Variants in DENND5A observed in about 807,000 individuals in gnomAD.
DENND5A encodes DENN domain-containing protein 5A.
In DENND5A, 64 loss-of-function variants were observed where a neutral mutation model predicts 140.3. That is an observed-to-expected ratio of 0.46 (90% CI 0.37 to 0.56). The LOEUF is 0.56. Among genes scored for constraint, DENND5A ranks in the 20% least tolerant of loss-of-function variants. The probability of loss-of-function intolerance (pLI) is 0.00; values close to 1 mark genes in which losing one functional copy is unlikely to be tolerated. For synonymous variants in DENND5A, 605 were observed against 607.7 expected, an observed-to-expected ratio of 1.00 and a Z score of 0.07; for missense variants, 1,292 against 1,593.8, an observed-to-expected ratio of 0.81 and a Z score of 3.22.
chr11:9,143,802 G>A (rs963111458), intron 19 of DENND5A, among the ~76,000 whole-genome samples: 2 of 152,184 alleles, frequency 1.3e-5, no homozygotes, highest in Non-Finnish European at 2.9e-5. Flanking sequence ...ATCAGGCAGG[G>A]GGAGTCCAGA....
chr11:9,258,987 G>A (rs532478841), intron 1 of DENND5A, among the ~76,000 whole-genome samples: 31 of 152,084 alleles, frequency 2.0e-4, no homozygotes, highest in Middle Eastern at 3.4e-3. Flanking sequence ...TAGGCTGGGC[G>A]CAGTGGCTCA....
At chr11:9,154,728 G>GAA (rs140840397) in intron 12 of DENND5A, among the ~76,000 whole-genome samples, 2 of 144,822 alleles carry the variant, frequency 1.4e-5, no homozygotes, top group African/African-American at 2.5e-5. Context: ...ACAAATATTT[G>GAA]AAAAAAAAAA....
intron 1 of DENND5A, among the ~76,000 whole-genome samples, chr11:9,256,846 A>G (rs1851966828): frequency 6.6e-6 from 1 of 152,168 alleles, no homozygotes; most frequent in South Asian, 2.1e-4. Context: ...TAATTGTAAA[A>G]ATAAATTAAA....
intron 11 of DENND5A, among the ~76,000 whole-genome samples, chr11:9,163,909 T>C (rs2136145215): frequency 8.8e-6 from 1 of 113,946 alleles, no homozygotes; most frequent in African/African-American, 4.3e-5. Flanking sequence ...AGAGACAAAA[T>C]TGTATGGAAA....
At chr11:9,200,530 T>C (rs371321056) in intron 4 of DENND5A, among the ~76,000 whole-genome samples, 3 of 152,250 alleles carry the variant, frequency 2.0e-5, no homozygotes, top group African/African-American at 7.2e-5. Context: ...AGAGATTTCA[T>C]GTAAAAAATC....
At chr11:9,210,252 A>G (rs1403007626) in intron 1 of DENND5A, among the ~76,000 whole-genome samples, 1 of 152,234 alleles carries the variant, frequency 6.6e-6, no homozygotes, top group Admixed American at 6.5e-5. Flanking sequence ...GGAATATGAC[A>G]TCACCAACAT....
chr11:9,164,930 G>C (rs1050166255), intron 11 of DENND5A, among the ~76,000 whole-genome samples: 3 of 152,206 alleles, frequency 2.0e-5, no homozygotes, highest in African/African-American at 7.2e-5. Flanking sequence ...TTCAAGGCGA[G>C]CCTGGGCAAT....
At chr11:9,239,325 C>G (rs937391544) in intron 1 of DENND5A, among the ~76,000 whole-genome samples, 5 of 150,876 alleles carry the variant, frequency 3.3e-5, no homozygotes, top group African/African-American at 9.8e-5. Flanking sequence ...CACCACCACA[C>G]CTGGCTAAAC....
chr11:9,178,501 A>T (rs76387081), intron 7 of DENND5A, 135 bp from the exon 8 acceptor site: 19 of 191,930 alleles, frequency 9.9e-5, no homozygotes, highest in East Asian at 2.5e-4. Context: ...TCTCTACATT[A>T]AAAAAAAAAA....
In DENND5A at chr11:9,164,527, C is replaced by T. The variant is rs376088508; in HGVS notation, c.2283+1309G>A. On this transcript the variant is annotated intron_variant, in intron 11 of 22. Coordinates refer to ENST00000328194, the MANE Select transcript of DENND5A (RefSeq NM_015213.4). ...TAGAGACTGAGTTAGTTGAAATGCC[C>T]TAAAATTATGGTATGCTGCCTTGGT... Among the ~76,000 whole-genome samples the T allele has an allele frequency of 4.6e-5, 7 of 151,940 alleles. No homozygotes were observed. In the South Asian group the frequency reaches 1.5e-3, roughly 32 times the overall value.
At chr11:9,179,442 G>C (rs1255181446) in intron 6 of DENND5A, among the ~76,000 whole-genome samples, 1 of 151,842 alleles carries the variant, frequency 6.6e-6, no homozygotes, top group Non-Finnish European at 1.5e-5. Context: ...TTAAATTCTG[G>C]CTCTCTTGAT....
chr11:9,220,119 A>C (rs1394927448), intron 1 of DENND5A, among the ~76,000 whole-genome samples: 2 of 152,258 alleles, frequency 1.3e-5, no homozygotes, highest in Non-Finnish European at 2.9e-5. Flanking sequence ...GTGGTATATA[A>C]GAAAAATCAT....
At chr11:9,223,845 T>C (rs1313882342) in intron 1 of DENND5A, among the ~76,000 whole-genome samples, 1 of 152,236 alleles carries the variant, frequency 6.6e-6, no homozygotes, top group Non-Finnish European at 1.5e-5. Flanking sequence ...TCCTCTGTGA[T>C]TGTTATTTAG....
At chr11:9,164,048 T>C (rs1217001911) in intron 11 of DENND5A, among the ~76,000 whole-genome samples, 1 of 138,546 alleles carries the variant, frequency 7.2e-6, no homozygotes, top group Non-Finnish European at 1.5e-5. Flanking sequence ...TACTGATATA[T>C]TAATCAGGTT....
At position 9,203,945 on chromosome 11, in the gene DENND5A, C is replaced by A; in HGVS notation, c.664G>T (p.Val222Leu). ...PMSFMKACRS[V>L]LEQLHQAVTS... is the part of the protein sequence containing the mutation. ...ACTGCCTGGTGGAGTTGCTCCAGCA[C>A]GCTCCGACATGCCTTCATGAAAGAC... is the stretch of plus-strand genomic sequence containing the variant. Residue 222 changes from valine to leucine, a missense_variant, in exon 4 of 23, where the codon GTG becomes TTG. Coordinates refer to ENST00000328194, the MANE Select transcript of DENND5A (RefSeq NM_015213.4). 6.2e-7 allele frequency: 1 copy of A among 1,614,004 alleles called. No homozygotes were observed. The highest frequency in any genetic ancestry group is 2.2e-5 in the East Asian group (1 of 44,874).
At position 9,198,568 on chromosome 11, in the gene DENND5A, G is replaced by A. The variant is rs186354959; in HGVS notation, c.950-4887C>T. Among the ~76,000 whole-genome samples the A allele has an allele frequency of 1.1e-4, 17 of 151,088 alleles. No homozygotes were observed. The East Asian group carries it at 2.9e-3, about 26-fold the overall frequency. ...AGAGGTTGCAGTGAGCCGAGATTGC[G>A]CCACTGCACTCCAGCCTGGCAACAG... On this transcript the variant is annotated intron_variant, in intron 4 of 22. Transcript: ENST00000328194.
At position 9,143,416 on chromosome 11, in the gene DENND5A, T is replaced by G. The variant is rs763074637; in HGVS notation, c.3374A>C (p.Lys1125Thr). The G allele has an allele frequency of 6.2e-7, 1 of 1,614,024 alleles. No homozygotes were observed. The highest frequency in any genetic ancestry group is 8.5e-7 in the Non-Finnish European group (1 of 1,179,842). The part of the protein sequence containing the change: ...AVNGIVKHFH[K>T]PEKERGSLTL... Reference sequence around the variant, plus strand: ...AGGAAGGCTCACCTCTTTCTCAGGCTTATGGAAGTGCTTCACAATGCCATT... The same window carrying G: ...AGGAAGGCTCACCTCTTTCTCAGGCGTATGGAAGTGCTTCACAATGCCATT... The change falls in exon 20 of 23, where the codon AAG becomes ACG. Residue 1125 changes from lysine to threonine, a missense_variant. Around this residue, in one of 4 missense-constraint regions of DENND5A, gnomAD observed 498 missense variants for 689.7 expected, o/e 0.72. Transcript: ENST00000328194.
chr11:9,260,828 GT>G (rs916561959), intron 1 of DENND5A, among the ~76,000 whole-genome samples: 5 of 152,164 alleles, frequency 3.3e-5, no homozygotes, highest in Non-Finnish European at 5.9e-5. Context: ...GCTTATTTGG[GT>G]TTTTTTATTT....
intron 1 of DENND5A, among the ~76,000 whole-genome samples, chr11:9,235,526 C>G (rs773684038): frequency 6.6e-6 from 1 of 150,570 alleles, no homozygotes; most frequent in Non-Finnish European, 1.5e-5. Context: ...GGCACGATGG[C>G]GGGCACCTGT....
Sources: allele counts gnomAD v4.1 joint callset (sites outside exome capture counted in the v4.1 genomes callset), GRCh38; gene constraint gnomAD v4.1.1; regional missense constraint gnomAD v4.1.1; transcripts MANE v1.5; gene names NCBI Gene and HGNC (gene_info 2026-07-23, HGNC 2026-07-21).